The following BRINP2 variants were observed in gnomAD, a reference collection of about 807,000 sequenced individuals.
BRINP2 encodes BMP/retinoic acid inducible neural specific 2.
In BRINP2, 21 loss-of-function variants were observed where a neutral mutation model predicts 69.2. The observed-to-expected ratio is 0.30, with a 90% CI of 0.22 to 0.44. The LOEUF (loss-of-function observed/expected upper bound fraction) is 0.44. BRINP2 is among the 20% of genes least tolerant of loss of function. The pLI, the probability that BRINP2 is intolerant of heterozygous loss-of-function variation, is 1.00. For synonymous variants in BRINP2, 380 were observed against 394.1 expected (o/e 0.96, Z 0.42); for missense variants, 877 against 986.0 (o/e 0.89, Z 1.48).
chr1:177,186,837 C>A (rs1032333382), intron 1 of BRINP2, among the ~76,000 whole-genome samples: 1 of 152,210 alleles, frequency 6.6e-6, no homozygotes, highest in Admixed American at 6.5e-5. Context: ...TCACACTAAG[C>A]AGGCATTTCT....
At chr1:177,248,520 TA>T (rs1162886935) in intron 2 of BRINP2, among the ~76,000 whole-genome samples, 1 of 151,538 alleles carries the variant, frequency 6.6e-6, no homozygotes, top group Non-Finnish European at 1.5e-5. Context: ...TATTTTTTTT[TA>T]ATACTCTCCC....
At chr1:177,258,100 A>C (rs1185739293) in intron 4 of BRINP2, among the ~76,000 whole-genome samples, 2 of 152,334 alleles carry the variant, frequency 1.3e-5, no homozygotes, top group Non-Finnish European at 2.9e-5. Flanking sequence ...ACATGATCTC[A>C]TGAGTGTTTT....
chr1:177,278,182 G>A (rs1651563754), intron 6 of BRINP2, among the ~76,000 whole-genome samples: 1 of 151,942 alleles, frequency 6.6e-6, no homozygotes, highest in Admixed American at 6.6e-5. Context: ...TGGGTTTTGT[G>A]GTGTTATTGA....
At chr1:177,256,239 G>A (rs1650752380) in intron 3 of BRINP2, 130 bp downstream of exon 3, 2 of 1,419,068 alleles carry the variant, frequency 1.4e-6, no homozygotes, top group African/African-American at 1.4e-5. Flanking sequence ...TCTTTCTGGT[G>A]CATTTGAAAA....
chr1:177,176,098 T>G (rs544157099), intron 1 of BRINP2, among the ~76,000 whole-genome samples: 1 of 152,306 alleles, frequency 6.6e-6, no homozygotes, highest in South Asian at 2.1e-4. Context: ...TTGAGTAGCA[T>G]CAACACAGCA....
At chr1:177,193,355 G>C (rs185320320) in intron 1 of BRINP2, among the ~76,000 whole-genome samples, 2 of 152,290 alleles carry the variant, frequency 1.3e-5, no homozygotes, top group East Asian at 1.9e-4. Flanking sequence ...CAGGCTGTGA[G>C]GGGGAGGGAT....
chr1:177,245,336 T>A (rs915120022), intron 2 of BRINP2, among the ~76,000 whole-genome samples: 11 of 152,052 alleles, frequency 7.2e-5, no homozygotes, highest in Non-Finnish European at 1.6e-4. Context: ...ATCTGGAAAC[T>A]GTGTTGAAGG....
At chr1:177,204,379 G>C (rs1274156208) in intron 1 of BRINP2, among the ~76,000 whole-genome samples, 2 of 152,002 alleles carry the variant, frequency 1.3e-5, no homozygotes, top group East Asian at 1.9e-4. Context: ...AGGGGGTAAA[G>C]TATACAGCAA....
intron 1 of BRINP2, among the ~76,000 whole-genome samples, chr1:177,180,485 T>C (rs914215696): frequency 6.6e-6 from 1 of 152,212 alleles, no homozygotes; most frequent in African/African-American, 2.4e-5. Context: ...GATTGACAAA[T>C]AGCAGAGTTG....
chr1:177,244,653 C>T (rs111830129), intron 2 of BRINP2, among the ~76,000 whole-genome samples: 2 of 152,018 alleles, frequency 1.3e-5, no homozygotes, highest in African/African-American at 2.4e-5. Flanking sequence ...AAAATAAAAA[C>T]GAAATTTATT....
intron 1 of BRINP2, among the ~76,000 whole-genome samples, chr1:177,184,963 C>T (rs1413285310): frequency 6.6e-6 from 1 of 152,098 alleles, no homozygotes; most frequent in African/African-American, 2.4e-5. Flanking sequence ...AGCCCCTCCT[C>T]CAGAGAATCT....
chr1:177,251,442 G>C (rs774236598), intron 2 of BRINP2, among the ~76,000 whole-genome samples: 1 of 152,150 alleles, frequency 6.6e-6, no homozygotes, highest in Non-Finnish European at 1.5e-5. Context: ...CTACTCGAAG[G>C]AAAACAGTGC....
intron 7 of BRINP2, among the ~76,000 whole-genome samples, chr1:177,279,558 C>T (rs1003311828): frequency 4.6e-5 from 7 of 152,196 alleles, no homozygotes; most frequent in Non-Finnish European, 1.0e-4. Flanking sequence ...AAAGGAGCTG[C>T]CTTCACGGCC....
chr1:177,272,814 C>A (rs181495749), intron 4 of BRINP2, among the ~76,000 whole-genome samples: 46 of 152,268 alleles, frequency 3.0e-4, no homozygotes, highest in African/African-American at 1.1e-3. Flanking sequence ...TTAAAGCTTC[C>A]CATTTTTCAT....
At chr1:177,278,449 C>T in intron 6 of BRINP2, 114 bp from the exon 7 acceptor site, 2 of 930,204 alleles carry the variant, frequency 2.2e-6, no homozygotes, top group Non-Finnish European at 3.4e-6. Context: ...GGTGTGCAGC[C>T]TCCTTTCTCA....
chr1:177,217,386 T>A (rs1048006664), intron 1 of BRINP2, among the ~76,000 whole-genome samples: 5 of 152,218 alleles, frequency 3.3e-5, no homozygotes, highest in African/African-American at 1.2e-4. Flanking sequence ...AAACTTCTCC[T>A]GTTTGTGTAT....
rs572507206 is a variant in BRINP2, at chr1:177,281,711, C to T, written c.*183C>T. On this transcript the variant is annotated 3_prime_UTR_variant, in exon 8 of 8. Coordinates refer to ENST00000361539, the MANE Select transcript of BRINP2 (RefSeq NM_021165.4). Reference sequence around the variant, plus strand: ...GAGAAACAGCTACTGCGTGCGTGCGCGCACGCATACACACACACACACACA... The same window carrying T: ...GAGAAACAGCTACTGCGTGCGTGCGTGCACGCATACACACACACACACACA... The T allele has an allele frequency of 1.4e-3, 907 of 668,458 alleles. 2 individuals carry two copies. The highest frequency in any genetic ancestry group is 1.9e-3 in the Non-Finnish European group (778 of 405,748). The allele number at this position is 668,458 out of a possible 1,614,324, so 41.4% of individuals were successfully genotyped here. A position where few individuals can be genotyped will look rare whatever the true frequency, so the allele number is the denominator to read the frequency against.
intron 1 of BRINP2, among the ~76,000 whole-genome samples, chr1:177,207,094 A>G (rs1460246558): frequency 5.3e-5 from 8 of 152,142 alleles, no homozygotes; most frequent in African/African-American, 1.9e-4. Flanking sequence ...TCAAAGGCCT[A>G]TTTTTAGAAT....
intron 1 of BRINP2, among the ~76,000 whole-genome samples, chr1:177,202,624 A>G (rs1168380500): frequency 3.3e-5 from 5 of 152,174 alleles, no homozygotes; most frequent in Non-Finnish European, 5.9e-5. Flanking sequence ...ACTTCCAACT[A>G]TGTGGTCAAT....
Sources: gnomAD v4.1 joint callset for allele counts (sites outside exome capture counted in the v4.1 genomes callset) on GRCh38, gnomAD v4.1.1 for gene constraint, MANE v1.5 for transcripts, NCBI Gene and HGNC (gene_info 2026-07-23, HGNC 2026-07-21) for gene names.